DMGDH: variants seen among roughly 807,000 people sequenced by gnomAD.
DMGDH encodes the protein dimethylglycine dehydrogenase, mitochondrial.
A neutral mutation model predicts 95.2 loss-of-function variants in DMGDH; 76 were observed. The ratio of observed to expected loss-of-function variants is 0.80; its 90% confidence interval spans 0.66 to 0.97. The LOEUF (loss-of-function observed/expected upper bound fraction) is 0.97, where lower values mean the gene tolerates loss of function less well. DMGDH is among the 50% of genes least tolerant of loss of function. DMGDH has a pLI of 0.00. For synonymous variants in DMGDH, 345 were observed against 377.6 expected (o/e 0.91, Z 1.00); for missense variants, 987 against 1,055.0 (o/e 0.94, Z 0.89).
rs1753526223 is a variant in DMGDH, at chr5:79,005,308, G to C, written c.2350C>G (p.Pro784Ala). 1.2e-6 allele frequency: 2 copies of C among 1,613,742 alleles called. No individual in the cohort carries two copies. Among genetic ancestry groups the C allele is most frequent in the African/African-American group, 1.3e-5 (1 of 75,044 alleles). The stretch of plus-strand genomic sequence containing the variant: ...TACCAGATGCTTTCATTTCCCTCTG[G>C]ATCAACATCATCCGTTGCCAAGGTG... ...CLTLATDDVD[P>A]EGNESIWYNG... The change falls in exon 15 of 16, where the codon CCA (proline) becomes GCA (alanine). Residue 784 changes from proline (P) to alanine (A), a missense_variant. Pro to Ala is a conservative substitution (Grantham distance 27, BLOSUM62 -1). Coordinates refer to ENST00000255189, the MANE Select transcript of DMGDH (RefSeq NM_013391.3).
chr5:79,030,173 T>C (rs552947242), intron 10 of DMGDH, 139 bp from the exon 11 acceptor site: 3 of 730,928 alleles, frequency 4.1e-6, no homozygotes, highest in Admixed American at 3.0e-5. Flanking sequence ...GTATGAATTA[T>C]CTGTAAACCT....
intron 5 of DMGDH, among the ~76,000 whole-genome samples, chr5:79,048,681 A>G (rs1754749571): frequency 6.6e-6 from 1 of 152,136 alleles, no homozygotes; most frequent in South Asian, 2.1e-4. Flanking sequence ...TTTGTTCCCA[A>G]TTACTGAGGC....
intron 14 of DMGDH, among the ~76,000 whole-genome samples, chr5:79,012,783 C>G (rs962361005): frequency 2.6e-5 from 4 of 152,230 alleles, no homozygotes; most frequent in African/African-American, 9.6e-5. Flanking sequence ...ATTTGAGTCA[C>G]AGCTAGAGCT....
At chr5:79,068,020 C>A (rs1047543123) in intron 1 of DMGDH, among the ~76,000 whole-genome samples, 1 of 152,106 alleles carries the variant, frequency 6.6e-6, no homozygotes, top group Non-Finnish European at 1.5e-5. Flanking sequence ...CAGGTTCAAG[C>A]GATTCTCCCG....
intron 14 of DMGDH, among the ~76,000 whole-genome samples, chr5:79,005,853 T>A (rs974996876): frequency 6.6e-6 from 1 of 152,150 alleles, no homozygotes; most frequent in Non-Finnish European, 1.5e-5. Context: ...ATGCAGTATT[T>A]TTTTTCTTTT....
chr5:79,003,947 A>AAAATAAAT (rs562382857), intron 15 of DMGDH, among the ~76,000 whole-genome samples: 3 of 151,018 alleles, frequency 2.0e-5, no homozygotes, highest in Admixed American at 6.6e-5. Flanking sequence ...GCTCTGTCTC[A>AAAATAAAT]AAATAAATAA....
chr5:79,042,520 G>A (rs748438223), intron 6 of DMGDH, 39 bp from the exon 7 acceptor site: 2 of 1,594,962 alleles, frequency 1.3e-6, no homozygotes, highest in Non-Finnish European at 8.6e-7. Context: ...TGCCGTAGCT[G>A]AGCTGACAAG....
At chr5:79,045,347 G>A (rs1046346657) in intron 5 of DMGDH, among the ~76,000 whole-genome samples, 1 of 152,082 alleles carries the variant, frequency 6.6e-6, no homozygotes, top group Non-Finnish European at 1.5e-5. Context: ...ATTTGCGGAG[G>A]TGAATGTTAT....
intron 13 of DMGDH, among the ~76,000 whole-genome samples, 192 bp downstream of exon 13, chr5:79,026,232 T>A (rs902846801): frequency 1.3e-5 from 2 of 152,172 alleles, no homozygotes; most frequent in Non-Finnish European, 2.9e-5. Flanking sequence ...AATAAACATA[T>A]GTCAGAATTC....
chr5:79,029,777 A>C, intron 11 of DMGDH, 127 bp downstream of exon 11: 2 of 1,024,592 alleles, frequency 2.0e-6, no homozygotes, highest in Non-Finnish European at 2.8e-6. Context: ...AATAAAGTTT[A>C]TTTGAAACAA....
intron 10 of DMGDH, 102 bp downstream of exon 10, chr5:79,030,731 T>A: frequency 8.3e-7 from 1 of 1,208,138 alleles, no homozygotes; most frequent in African/African-American, 1.5e-5. Flanking sequence ...TGAAGAGTTC[T>A]AGTGTTCATC....
chr5:78,999,629 G>A (rs1246316041), intron 15 of DMGDH, among the ~76,000 whole-genome samples: 3 of 152,140 alleles, frequency 2.0e-5, no homozygotes, highest in Non-Finnish European at 4.4e-5. Flanking sequence ...CACCACGCCC[G>A]GCTGTTCTCC....
At position 79,001,161 on chromosome 5, in the gene DMGDH, C is replaced by T. The variant is rs866028194; in HGVS notation, c.2386-2864G>A. 7 of 470,976 alleles carry T rather than the reference C, an allele frequency of 1.5e-5. 1 individual carries two copies. Among genetic ancestry groups the T allele is most frequent in the Middle Eastern group, 5.9e-4 (1 of 1,698 alleles). 29.2% of individuals were successfully genotyped at this position (470,976 alleles called of 1,614,324 possible). ...GCTCTGCGGCTGCACCTAATCATTGCTTTTGTTTGCTTGTTTTTTGAGATG... is the reference window on the plus strand; with the variant it reads ...GCTCTGCGGCTGCACCTAATCATTGTTTTTGTTTGCTTGTTTTTTGAGATG... On this transcript the variant is annotated intron_variant, in intron 15 of 15. Transcript: ENST00000255189.
Position 79,025,146 on chromosome 5 carries a change from G to C in DMGDH, c.2191-816C>G, listed in dbSNP as rs547894142. ...TAAAAATGAAGCACAGAGGATTGCA[G>C]TGCCAACACTAGAGGGCGCTCTGGC... On this transcript the variant is annotated intron_variant, in intron 13 of 15. Transcript: ENST00000255189. Among the ~76,000 whole-genome samples the C allele has an allele frequency of 4.8e-4, 73 of 152,326 alleles. 1 individual carries two copies. Among genetic ancestry groups the C allele is most frequent in the Middle Eastern group, 6.8e-3 (2 of 294 alleles).
At chr5:79,022,667 G>A (rs1355216756) in intron 14 of DMGDH, among the ~76,000 whole-genome samples, 1 of 152,154 alleles carries the variant, frequency 6.6e-6, no homozygotes, top group Non-Finnish European at 1.5e-5. Context: ...GTTCTGAGAT[G>A]AGCTTTGGTT....
chr5:79,003,163 G>C, intron 15 of DMGDH, among the ~76,000 whole-genome samples: 1 of 152,186 alleles, frequency 6.6e-6, no homozygotes, highest in East Asian at 1.9e-4. Context: ...GGTAAGTGTA[G>C]ACTGTATTAA....
chr5:79,062,665 G>A (rs1755244095), intron 2 of DMGDH, among the ~76,000 whole-genome samples: 1 of 152,064 alleles, frequency 6.6e-6, no homozygotes, highest in African/African-American at 2.4e-5. Flanking sequence ...CGCAGCCCTG[G>A]AACAATTATG....
At chr5:79,032,546 A>G (rs1403345519) in intron 9 of DMGDH, 141 bp downstream of exon 9, 2 of 1,200,074 alleles carry the variant, frequency 1.7e-6, no homozygotes, top group Non-Finnish European at 2.5e-6. Flanking sequence ...CCACTGCCAG[A>G]GAGTAATTTT....
At chr5:79,064,710 C>A (rs1024301423) in intron 1 of DMGDH, among the ~76,000 whole-genome samples, 7 of 151,866 alleles carry the variant, frequency 4.6e-5, no homozygotes, top group Non-Finnish European at 7.4e-5. Context: ...TATTCTGGAA[C>A]CTTTTTTCTA....
Sources: allele counts gnomAD v4.1 joint callset (sites outside exome capture counted in the v4.1 genomes callset), GRCh38; gene constraint gnomAD v4.1.1; transcripts MANE v1.5; gene names NCBI Gene and HGNC (gene_info 2026-07-23, HGNC 2026-07-21).